Variants in GALNT2 observed in about 807,000 individuals in gnomAD.
GALNT2 encodes the protein UDP-GalNAc:polypeptide N-acetylgalactosaminyltransferase 2.
Under a neutral mutation model 81.4 loss-of-function variants are expected in GALNT2, and 31 were observed. The observed-to-expected ratio is 0.38, with a 90% CI of 0.29 to 0.51. GALNT2 has a LOEUF of 0.51. Among genes scored for constraint, GALNT2 ranks in the 20% least tolerant of loss-of-function variants. The pLI, the probability that GALNT2 is intolerant of heterozygous loss-of-function variation, is 0.87. For synonymous variants in GALNT2, 303 were observed against 287.4 expected (o/e 1.05, Z -0.55); for missense variants, 629 against 765.7 (o/e 0.82, Z 2.11).
At chr1:230,232,699 G>A (rs992210867) in intron 3 of GALNT2, among the ~76,000 whole-genome samples, 1 of 152,150 alleles carries the variant, frequency 6.6e-6, no homozygotes, top group Non-Finnish European at 1.5e-5. Context: ...TTCTTGGGAA[G>A]GACATTCTTT....
chr1:230,072,247 G>A (rs959344196), intron 1 of GALNT2, among the ~76,000 whole-genome samples: 9 of 151,998 alleles, frequency 5.9e-5, no homozygotes, highest in African/African-American at 2.2e-4. Flanking sequence ...TTGGGGAGAG[G>A]GAAGTCAGTT....
rs185775667 is a variant in GALNT2, at chr1:230,249,976, G to A, written c.906-481G>A. Among the ~76,000 whole-genome samples the A allele has an allele frequency of 2.0e-3, 302 of 152,308 alleles. 2 individuals carry two copies. In the Middle Eastern group the frequency reaches 0.024, roughly 12 times the overall value. Reference sequence around the variant, plus strand: ...CCCCTTCCTGGGATGATGAAGTGAGGAGCATGGTGGGTTCCCTTGTAGGAG... The same window carrying A: ...CCCCTTCCTGGGATGATGAAGTGAGAAGCATGGTGGGTTCCCTTGTAGGAG... On this transcript the variant is annotated intron_variant, in intron 9 of 15. Transcript: ENST00000366672.
chr1:230,121,315 C>T (rs530760409), intron 1 of GALNT2, among the ~76,000 whole-genome samples: 15 of 152,332 alleles, frequency 9.8e-5, no homozygotes, highest in East Asian at 3.9e-4. Context: ...GTCTTAGTCC[C>T]GTGGCGGGCG....
At chr1:230,115,966 G>A (rs779953782) in intron 1 of GALNT2, among the ~76,000 whole-genome samples, 23 of 152,036 alleles carry the variant, frequency 1.5e-4, no homozygotes, top group East Asian at 3.9e-4. Flanking sequence ...CACATCTGTC[G>A]TCTCCACTTC....
chr1:230,155,851 G>A (rs1572028260), intron 1 of GALNT2, among the ~76,000 whole-genome samples: 1 of 152,304 alleles, frequency 6.6e-6, no homozygotes, highest in East Asian at 1.9e-4. Context: ...AGTTCACTCA[G>A]GAGTTCTGAG....
At position 230,236,057 on chromosome 1, in the gene GALNT2, G is replaced by C. The variant is rs570007994; in HGVS notation, c.418G>C (p.Val140Leu). 1 of 1,613,796 alleles carries C rather than the reference G, an allele frequency of 6.2e-7. No homozygotes were observed. The highest frequency in any genetic ancestry group is 2.2e-5 in the East Asian group (1 of 44,870). The part of the protein sequence containing the change: ...QWRVDLPATS[V>L]VITFHNEARS... ...GCGGGTGGATCTGCCGGCCACCAGC[G>C]TGGTGATCACGTTTCACAATGAAGC... Residue 140 changes from valine to leucine, a missense_variant, in exon 4 of 16, where the codon GTG (valine) becomes CTG (leucine). By Grantham distance (32) the Val-to-Leu change is conservative. Around this residue, in one of 3 missense-constraint regions of GALNT2, gnomAD observed 360 missense variants for 492.8 expected, o/e 0.73. Transcript: ENST00000366672.
At chr1:230,199,610 T>A (rs1191662856) in intron 2 of GALNT2, among the ~76,000 whole-genome samples, 1 of 152,192 alleles carries the variant, frequency 6.6e-6, no homozygotes, top group East Asian at 1.9e-4. Flanking sequence ...GTGTTAAAAG[T>A]GTGTCATTGT....
intron 11 of GALNT2, among the ~76,000 whole-genome samples, chr1:230,261,501 T>C (rs1333285074): frequency 6.6e-6 from 1 of 152,222 alleles, no homozygotes; most frequent in Non-Finnish European, 1.5e-5. Flanking sequence ...GTCCACCTTA[T>C]AGCCGAGACC....
At chr1:230,267,899 A>G (rs537070805) in intron 14 of GALNT2, among the ~76,000 whole-genome samples, 2 of 152,186 alleles carry the variant, frequency 1.3e-5, no homozygotes, top group East Asian at 3.9e-4. Flanking sequence ...CAGGGGACTC[A>G]CTCAGAGGTG....
chr1:230,243,437 CG>C lies in GALNT2; in HGVS notation c.729+15del. 1.2e-6 allele frequency: 2 copies of C among 1,609,032 alleles called. No homozygotes were observed. On this transcript the variant is annotated intron_variant, in intron 7 of 15. Transcript: ENST00000366672. This position sits in a 1 kb window ranked among gnomAD's most constrained non-coding sequence, Gnocchi z 4.2. Reference sequence around the variant, plus strand: ...GGAAAGGGTGGCGGAGGTGAGATGACGGGGGCTGGGAGGGGTGTCAGGTCGT... The same window carrying C: ...GGAAAGGGTGGCGGAGGTGAGATGACGGGGCTGGGAGGGGTGTCAGGTCGT...
At chr1:230,104,431 T>C (rs986327445) in intron 1 of GALNT2, among the ~76,000 whole-genome samples, 7 of 152,210 alleles carry the variant, frequency 4.6e-5, no homozygotes, top group Admixed American at 2.6e-4. Flanking sequence ...CTGATAATCT[T>C]GATTCCTGGT....
intron 14 of GALNT2, 66 bp downstream of exon 14, chr1:230,265,433 T>A (rs1236919156): frequency 6.2e-7 from 1 of 1,603,044 alleles, no homozygotes; most frequent in Admixed American, 1.7e-5. Flanking sequence ...GGGGTCCTGA[T>A]GTTAGAAGTC....
chr1:230,177,640 A>G (rs148418591), intron 1 of GALNT2, among the ~76,000 whole-genome samples: 4 of 152,314 alleles, frequency 2.6e-5, no homozygotes, highest in African/African-American at 9.6e-5. Flanking sequence ...TGAGTCCTTA[A>G]TATGTATCTC....
chr1:230,243,495 T>TGGTC lies in GALNT2; in HGVS notation c.729+69_729+72dup. The TGGTC allele has an allele frequency of 6.3e-7, 1 of 1,586,726 alleles. No homozygotes were observed. The highest frequency in any genetic ancestry group is 8.5e-7 in the Non-Finnish European group (1 of 1,171,612). On this transcript the variant is annotated intron_variant, in intron 7 of 15. Coordinates refer to ENST00000366672, the MANE Select transcript of GALNT2 (RefSeq NM_004481.5). The surrounding 1 kb of genome is among the most constrained non-coding windows in gnomAD (Gnocchi z 4.2). ...TTGGTAGAGGGGACAGAAGGGAGCATGGTCCAGGGGAGGTGTAACGCAGGG... is the reference window on the plus strand; with the variant it reads ...TTGGTAGAGGGGACAGAAGGGAGCATGGTCGGTCCAGGGGAGGTGTAACGCAGGG...
intron 3 of GALNT2, among the ~76,000 whole-genome samples, chr1:230,216,553 G>A (rs1031788652): frequency 3.3e-5 from 5 of 152,194 alleles, no homozygotes; most frequent in African/African-American, 1.2e-4. Flanking sequence ...ATCCCCCTGA[G>A]TAGCTAAGAC....
chr1:230,215,217 C>G (rs1301995700), intron 3 of GALNT2, among the ~76,000 whole-genome samples: 1 of 152,214 alleles, frequency 6.6e-6, no homozygotes, highest in Non-Finnish European at 1.5e-5. Flanking sequence ...TCAGCAAGCC[C>G]TGAAGTCCAT....
chr1:230,215,231 T>C (rs1558144251), intron 3 of GALNT2, among the ~76,000 whole-genome samples: 1 of 152,236 alleles, frequency 6.6e-6, no homozygotes, highest in Non-Finnish European at 1.5e-5. Context: ...AGTCCATTTC[T>C]GGCCTCCACA....
chr1:230,208,315 G>T (rs1664128159), intron 3 of GALNT2, among the ~76,000 whole-genome samples: 1 of 152,148 alleles, frequency 6.6e-6, no homozygotes, highest in Non-Finnish European at 1.5e-5. Context: ...GACTGGAGGG[G>T]GGTATGGCTT....
At chr1:230,261,600 A>G (rs1035509856) in intron 11 of GALNT2, among the ~76,000 whole-genome samples, 1 of 152,264 alleles carries the variant, frequency 6.6e-6, no homozygotes, top group African/African-American at 2.4e-5. Flanking sequence ...GCTGATACCT[A>G]TGCAGATGAT....
Sources: gnomAD v4.1 joint callset for allele counts (sites outside exome capture counted in the v4.1 genomes callset) on GRCh38, gnomAD v4.1.1 for gene constraint, gnomAD v4.1.1 regional missense constraint, Gnocchi (gnomAD v3.1) non-coding constraint, MANE v1.5 for transcripts, NCBI Gene and HGNC (gene_info 2026-07-23, HGNC 2026-07-21) for gene names.